ABCA2: variants seen among roughly 807,000 people sequenced by gnomAD.
ABCA2 encodes ATP-binding cassette sub-family A member 2.
ABCA2 carries 84 observed loss-of-function variants against 262.8 expected under a neutral mutation model. That is an observed-to-expected ratio of 0.32 (90% confidence interval 0.27 to 0.38). The LOEUF is 0.38. Ranked by LOEUF, ABCA2 falls within the 10% of genes least tolerant of loss-of-function variation. The pLI is 1.00. For missense variants in ABCA2, 2,662 were observed against 3,405.9 expected (o/e 0.78, Z 5.44); for synonymous variants, 1,696 against 1,502.9 (o/e 1.13, Z -2.97).
chr9:137,017,458 G>C (rs1427903406), intron 17 of ABCA2, 44 bp downstream of exon 17: 2 of 1,596,090 alleles, frequency 1.3e-6, no homozygotes, highest in African/African-American at 2.7e-5. Context: ...AGCTTGCTGG[G>C]CAAGTGCCTG....
chr9:137,020,774 G>A lies in ABCA2; in HGVS notation c.1185C>T (p.Thr395=), dbSNP rs769429805. The change falls in exon 9 of 49, where the codon ACC becomes ACT. Residue 395 remains threonine (T), a synonymous_variant. Coordinates refer to ENST00000341511, the MANE Select transcript of ABCA2 (RefSeq NM_001606.5). The part of the protein sequence containing the change: ...EGAPSAAALA[T]PDTLQGQCSA... ...AGCACTGGCCCTGCAGCGTGTCCGG[G>A]GTGGCCAGTGCTGCAGCAGAGGGTG... 6.3e-7 allele frequency: 1 copy of A among 1,595,512 alleles called. No individual in the cohort carries two copies. The highest frequency in any genetic ancestry group is 1.1e-5 in the South Asian group (1 of 89,546).
chr9:137,011,594 G>GT lies in ABCA2; in HGVS notation c.5651+39_5651+40insA, dbSNP rs1206967999. On this transcript the variant is annotated intron_variant, in intron 36 of 48. Coordinates refer to ENST00000341511, the MANE Select transcript of ABCA2 (RefSeq NM_001606.5). This position sits in a 1 kb window ranked among gnomAD's most constrained non-coding sequence, Gnocchi z 8.8. ...CGGGCAGTGGTCACCAGGCAGCCCC[G>GT]GTCCCACCTGAGGCCGCTCCCCCCT... The GT allele has an allele frequency of 1.9e-6, 3 of 1,557,298 alleles. No individual in the cohort carries two copies. In the Admixed American group the frequency reaches 5.8e-5, roughly 30 times the overall value.
In ABCA2 at chr9:137,014,351, C is replaced by T. The variant is rs372897435; in HGVS notation, c.4057G>A (p.Gly1353Arg). The T allele has an allele frequency of 1.2e-6, 2 of 1,602,540 alleles. No homozygotes were observed. Among genetic ancestry groups the T allele is most frequent in the Non-Finnish European group, 1.7e-6 (2 of 1,175,286 alleles). Residue 1353 changes from glycine (G) to arginine (R), a missense_variant, in exon 27 of 49, where the codon GGG becomes AGG. Coordinates refer to ENST00000341511, the MANE Select transcript of ABCA2 (RefSeq NM_001606.5). ...VLPGAEGPAS[G>R]EGHAGNLARC... ...GCCAGATTGCCAGCGTGACCCTCCC[C>T]AGACGCCGGGCCCTCCGCCCCAGGG...
chr9:137,022,032 G>GGGTGTGGCTCAGATGGGGT, intron 6 of ABCA2, 31 bp from the exon 7 acceptor site: 1 of 1,352,812 alleles, frequency 7.4e-7, no homozygotes, highest in Non-Finnish European at 1.0e-6. Flanking sequence ...GCTCAGATGG[G>GGGTGTGGCTCAGATGGGGT]GTGTGGGGGG....
At chr9:137,028,297 C>G (rs968041637), upstream of ABCA2, 21 of 975,334 alleles carry the variant, frequency 2.2e-5, no homozygotes, top group Middle Eastern at 5.2e-4. The surrounding 1 kb of genome is among the most constrained non-coding windows in gnomAD (Gnocchi z 6.9). Flanking sequence ...CCGGCGGCCG[C>G]GGCGACAGCG....
Position 137,019,088 on chromosome 9 carries a change from G to A in ABCA2, c.1555-18C>T, listed in dbSNP as rs762122846. 8.1e-6 allele frequency: 13 copies of A among 1,603,922 alleles called. No individual in the cohort carries two copies. The South Asian group carries it at 1.4e-4, about 18-fold the overall frequency. On this transcript the variant is annotated intron_variant, in intron 11 of 48. Transcript: ENST00000341511. The surrounding 1 kb of genome is among the most constrained non-coding windows in gnomAD (Gnocchi z 4.4). The stretch of plus-strand genomic sequence containing the variant: ...GCTACATACTTGGGGTGGAGGGGCG[G>A]CTCAGAGGGGGACCTGCGCCTGCCG...
Position 137,018,261 on chromosome 9 carries a change from T to C in ABCA2, c.1910A>G (p.Asn637Ser). The C allele has an allele frequency of 1.2e-6, 2 of 1,610,170 alleles. No homozygotes were observed. Among genetic ancestry groups the C allele is most frequent in the Non-Finnish European group, 1.7e-6 (2 of 1,179,340 alleles). The change falls in exon 14 of 49, where the codon AAC (asparagine) becomes AGC (serine). Residue 637 changes from asparagine (N) to serine (S), a missense_variant. Asn to Ser is a conservative substitution (Grantham distance 46). Transcript: ENST00000341511. ...RQNSSFTEKT[N>S]EIRRAYWRPG... ...CCGCCAGTAGGCGCGGCGGATCTCG[T>C]TGGTTTTCTCGGTGAAGCTGGAGTT...
At chr9:137,023,449 G>A (rs1831547611) in intron 3 of ABCA2, 1 of 715,564 alleles carries the variant, frequency 1.4e-6, no homozygotes, top group Admixed American at 1.7e-5. Context: ...CTGGCCAGCT[G>A]GTTAGCAGAG....
In ABCA2 at chr9:137,016,308, C is replaced by A; in HGVS notation, c.3087G>T (p.Ala1029=). ...ACACTCACATGGTGGTGGTCTTGCCCGCCCCGTTGTGGCCCAAGAAGGAGA... is the reference window on the plus strand; with the variant it reads ...ACACTCACATGGTGGTGGTCTTGCCAGCCCCGTTGTGGCCCAAGAAGGAGA... ...QVVSFLGHNG[A]GKTTTMSILT... The change falls in exon 21 of 49, where the codon GCG becomes GCT. Residue 1029 remains alanine, a synonymous_variant. Transcript: ENST00000341511. 6.2e-7 allele frequency: 1 copy of A among 1,612,730 alleles called. No individual in the cohort carries two copies. The highest frequency in any genetic ancestry group is 2.2e-5 in the East Asian group (1 of 44,882).
At position 137,014,745 on chromosome 9, in the gene ABCA2, C is replaced by T. The variant is rs1588514387; in HGVS notation, c.3948G>A (p.Glu1316=). The T allele has an allele frequency of 4.4e-6, 7 of 1,601,726 alleles. No homozygotes were observed. Among genetic ancestry groups the T allele is most frequent in the East Asian group, 2.2e-5 (1 of 44,496 alleles). The change falls in exon 26 of 49, where the codon GAG becomes GAA. Residue 1316 remains glutamate, a synonymous_variant. Coordinates refer to ENST00000341511, the MANE Select transcript of ABCA2 (RefSeq NM_001606.5). The part of the protein sequence containing the change: ...SSFGLMDTTL[E]EVFLKVSEED... ...CCTCCGACACCTTGAGGAACACTTCCTCCAGGGTCGTGTCCATCAGCCCGA... is the reference window on the plus strand; with the variant it reads ...CCTCCGACACCTTGAGGAACACTTCTTCCAGGGTCGTGTCCATCAGCCCGA...
chr9:137,007,923 G>C lies in ABCA2; in HGVS notation c.*6C>G. 6.2e-7 allele frequency: 1 copy of C among 1,605,786 alleles called. No individual in the cohort carries two copies. The highest frequency in any genetic ancestry group is 8.5e-7 in the Non-Finnish European group (1 of 1,179,850). On this transcript the variant is annotated 3_prime_UTR_variant, in exon 49 of 49. Coordinates refer to ENST00000341511, the MANE Select transcript of ABCA2 (RefSeq NM_001606.5). ...AGCGTGTCCTCCCTGGCCCAGCTCT[G>C]GGTGGTCAGCAGAGCGTGTCCGTGT...
chr9:137,008,771 C>T lies in ABCA2; in HGVS notation c.7028G>A (p.Gly2343Asp). The change falls in exon 47 of 49, where the codon GGC becomes GAC. Residue 2343 changes from glycine (G) to aspartate (D), a missense_variant. This residue lies in a region of ABCA2 where 212 missense variants were observed against 214.4 expected (regional missense o/e 0.99). Transcript: ENST00000341511. ...CTGGCTGACCGAGTAGTCCTCGATG[C>T]CCAGCACGCCAGACACCTGCTCCAT... is the stretch of plus-strand genomic sequence containing the variant. ...SKMEQVSGVL[G>D]IEDYSVSQTT... is the part of the protein sequence containing the mutation. 1.3e-6 allele frequency: 2 copies of T among 1,595,484 alleles called. No individual in the cohort carries two copies. Among genetic ancestry groups the T allele is most frequent in the Non-Finnish European group, 1.7e-6 (2 of 1,172,976 alleles).
Position 137,023,017 on chromosome 9 carries a change from T to G in ABCA2, c.199A>C (p.Ile67Leu), listed in dbSNP as rs750908061. 181 of 1,594,066 alleles carry G rather than the reference T, an allele frequency of 1.1e-4. No homozygotes were observed. The highest frequency in any genetic ancestry group is 1.5e-4 in the Non-Finnish European group (178 of 1,171,818). ...YTAAPLTSAGILPVMQSLCPD... is the reference protein window; with the variant it reads ...YTAAPLTSAGLLPVMQSLCPD... Reference sequence around the variant, plus strand: ...CACAGCGATTGCATGACAGGCAGGATGCCGGCAGACGTCAGGGGCGCCGCT... The same window carrying G: ...CACAGCGATTGCATGACAGGCAGGAGGCCGGCAGACGTCAGGGGCGCCGCT... The change falls in exon 4 of 49, where the codon ATC becomes CTC. Residue 67 changes from isoleucine (I) to leucine (L), a missense_variant. Ile to Leu is a conservative substitution (Grantham distance 5). Coordinates refer to ENST00000341511, the MANE Select transcript of ABCA2 (RefSeq NM_001606.5).
intron 13 of ABCA2, 47 bp downstream of exon 13, chr9:137,018,672 G>A: frequency 1.5e-6 from 2 of 1,353,984 alleles, no homozygotes; most frequent in African/African-American, 1.7e-5. Context: ...GGGCTGGGGA[G>A]GAAGAGGTCT....
At chr9:137,023,304 G>C (rs1450768960) in intron 3 of ABCA2, 1 of 662,932 alleles carries the variant, frequency 1.5e-6, no homozygotes, top group Non-Finnish European at 2.8e-6. Context: ...ATAACTCCCA[G>C]AGCATTCCTT....
At position 137,016,678 on chromosome 9, in the gene ABCA2, C is replaced by T. The variant is rs1831270606; in HGVS notation, c.2819G>A (p.Ser940Asn). The T allele has an allele frequency of 3.1e-6, 5 of 1,596,964 alleles. No individual in the cohort carries two copies. Among genetic ancestry groups the T allele is most frequent in the Non-Finnish European group, 4.3e-6 (5 of 1,172,244 alleles). ...FPLQKSYWLGSGRTEAWEWSW... is the reference protein window; with the variant it reads ...FPLQKSYWLGNGRTEAWEWSW... Reference sequence around the variant, plus strand: ...CCACTCCCAGGCTTCTGTCCGCCCACTGCCCAGCCAGTAGGACTTCTGCAG... The same window carrying T: ...CCACTCCCAGGCTTCTGTCCGCCCATTGCCCAGCCAGTAGGACTTCTGCAG... Residue 940 changes from serine (S) to asparagine (N), a missense_variant, in exon 20 of 49, where the codon AGT becomes AAT. By Grantham distance (46) the Ser-to-Asn change is conservative. Transcript: ENST00000341511.
intron 13 of ABCA2, 41 bp from the exon 14 acceptor site, chr9:137,018,392 G>C: frequency 7.1e-7 from 1 of 1,405,886 alleles, no homozygotes; most frequent in Non-Finnish European, 9.4e-7. Flanking sequence ...ATGCAGGGGC[G>C]GGACCAAGGC....
At chr9:137,027,545 G>C (rs962151180) in intron 1 of ABCA2, 3 of 152,646 alleles carry the variant, frequency 2.0e-5, no homozygotes, top group Non-Finnish European at 2.9e-5. Context: ...GGTCACGGAT[G>C]TGCCAGGAGG....
Position 137,021,454 on chromosome 9 carries a change from G to T in ABCA2, c.835C>A (p.Arg279Ser), listed in dbSNP as rs373960597. Reference protein sequence around the residue: ...CSGQAAARARRFSGLSAELRN... With the variant: ...CSGQAAARARSFSGLSAELRN... ...AGCTCAGCAGACAGCCCAGAGAAGC[G>T]CCTGGCACGCGCAGCAGCCTGCCCA... Residue 279 changes from arginine (R) to serine (S), a missense_variant, in exon 8 of 49, where the codon CGC (arginine) becomes AGC (serine). By Grantham distance (110) the Arg-to-Ser change is moderately radical. Coordinates refer to ENST00000341511, the MANE Select transcript of ABCA2 (RefSeq NM_001606.5). This position sits in a 1 kb window ranked among gnomAD's most constrained non-coding sequence, Gnocchi z 6.0. The T allele has an allele frequency of 5.0e-6, 8 of 1,611,928 alleles. No homozygotes were observed. The African/African-American group carries it at 6.7e-5, about 13-fold the overall frequency.
Sources: allele counts gnomAD v4.1 joint callset, GRCh38; gene constraint gnomAD v4.1.1; regional missense constraint gnomAD v4.1.1; non-coding constraint Gnocchi (gnomAD v3.1); transcripts MANE v1.5; gene names NCBI Gene and HGNC (gene_info 2026-07-23, HGNC 2026-07-21).